The following NCK1 variants were observed in gnomAD, a reference collection of about 807,000 sequenced individuals.
The protein encoded by NCK1 is NCK adaptor protein 1, also known as SH2/SH3 adapter protein NCK1.
In NCK1, 19 loss-of-function variants were observed where a neutral mutation model predicts 36.6. The ratio of observed to expected loss-of-function variants is 0.52; its 90% CI spans 0.36 to 0.76. NCK1 has a LOEUF of 0.76. NCK1 is among the 30% of genes least tolerant of loss of function. The probability of loss-of-function intolerance (pLI) is 0.00; values close to 1 mark genes in which losing one functional copy is unlikely to be tolerated. For synonymous variants in NCK1, 165 were observed against 156.0 expected, an observed-to-expected ratio of 1.06 and a Z score of -0.43; for missense variants, 358 against 445.6, an observed-to-expected ratio of 0.80 and a Z score of 1.77.
chr3:136,865,879 T>G (rs770985698), intron 1 of NCK1, among the ~76,000 whole-genome samples: 7 of 152,252 alleles, frequency 4.6e-5, no homozygotes, highest in Non-Finnish European at 7.3e-5. Context: ...TTTGGTGACA[T>G]TACCATGCTT....
chr3:136,867,108 CTTTCTTTCTTTGTTTCT>C (rs1560028482), intron 1 of NCK1, among the ~76,000 whole-genome samples: 379 of 30,932 alleles, frequency 0.012, 34 homozygotes, highest in East Asian at 0.018. Context: ...TTCTTTCTTT[CTTTCTTTCTTTGTTTCT>C]TTCTTTCCTT....
In NCK1 at chr3:136,948,887, A is replaced by T. The variant is rs1055625497; in HGVS notation, c.*434A>T. On this transcript the variant is annotated 3_prime_UTR_variant, in exon 4 of 4. Transcript: ENST00000481752. ...TGACATATGCTAAAATTTCTTGGAG[A>T]GTGTTAATCTTTTCTGTGACTAAAT... is the stretch of plus-strand genomic sequence containing the variant. 1 of 152,284 alleles carries T rather than the reference A, an allele frequency of 6.6e-6. No individual in the cohort carries two copies. Among genetic ancestry groups the T allele is most frequent in the East Asian group, 1.9e-4 (1 of 5,194 alleles). The allele number at this position is 152,284 out of a possible 1,614,324, so 9.4% of individuals were successfully genotyped here.
chr3:136,911,463 TTTAAA>T (rs1939825938), intron 1 of NCK1, among the ~76,000 whole-genome samples: 2 of 152,246 alleles, frequency 1.3e-5, no homozygotes, highest in African/African-American at 4.8e-5. Flanking sequence ...ATCTTAGTGT[TTTAAA>T]TTGCATTTCC....
chr3:136,917,293 ATTC>A (rs377340434), intron 1 of NCK1, among the ~76,000 whole-genome samples: 9 of 151,018 alleles, frequency 6.0e-5, no homozygotes, highest in South Asian at 2.1e-4. Flanking sequence ...GCCTGAGACA[ATTC>A]TTCTTCCAGT....
chr3:136,877,345 A>G (rs1018141316), intron 1 of NCK1, among the ~76,000 whole-genome samples: 4 of 152,180 alleles, frequency 2.6e-5, no homozygotes, highest in African/African-American at 9.6e-5. Context: ...AAAACTAGAA[A>G]ATTGTCAGCT....
chr3:136,943,135 T>G (rs1428119558), intron 2 of NCK1, among the ~76,000 whole-genome samples: 1 of 152,164 alleles, frequency 6.6e-6, no homozygotes, highest in East Asian at 1.9e-4. Context: ...CCCTAGATTT[T>G]ATAAGTTTTT....
At chr3:136,895,936 T>C (rs1939380873) in intron 1 of NCK1, among the ~76,000 whole-genome samples, 1 of 152,252 alleles carries the variant, frequency 6.6e-6, no homozygotes, top group African/African-American at 2.4e-5. Flanking sequence ...TTATGATATA[T>C]CTGGATTTTT....
intron 1 of NCK1, among the ~76,000 whole-genome samples, chr3:136,873,014 C>A (rs765827503): frequency 3.3e-5 from 5 of 152,192 alleles, no homozygotes; most frequent in Non-Finnish European, 7.3e-5. Flanking sequence ...AATGTGGGGT[C>A]AGAGCCCCCA....
chr3:136,922,402 T>TG (rs1383764782), intron 1 of NCK1, among the ~76,000 whole-genome samples: 1 of 152,184 alleles, frequency 6.6e-6, no homozygotes, highest in Admixed American at 6.5e-5. Flanking sequence ...CTGCTCTAAA[T>TG]GGGGGTTCAG....
intron 1 of NCK1, among the ~76,000 whole-genome samples, chr3:136,913,755 G>A (rs989332454): frequency 8.5e-5 from 13 of 152,126 alleles, no homozygotes; most frequent in Admixed American, 3.9e-4. Flanking sequence ...TGCAAGCTCC[G>A]CCTCCCGGGT....
chr3:136,867,705 A>G (rs569319811), intron 1 of NCK1, among the ~76,000 whole-genome samples: 1 of 152,280 alleles, frequency 6.6e-6, no homozygotes, highest in South Asian at 2.1e-4. Context: ...CAAATAGACT[A>G]GATGCACCAA....
At chr3:136,873,125 C>T (rs558611471) in intron 1 of NCK1, among the ~76,000 whole-genome samples, 5 of 152,228 alleles carry the variant, frequency 3.3e-5, no homozygotes, top group South Asian at 2.1e-4. Context: ...TTGCACCATG[C>T]GCCTGGAAAA....
chr3:136,881,341 T>G (rs1255585764), intron 1 of NCK1, among the ~76,000 whole-genome samples: 2 of 152,164 alleles, frequency 1.3e-5, no homozygotes, highest in African/African-American at 4.8e-5. Context: ...TTCCTCAGCC[T>G]CCTTAGTAGC....
At chr3:136,864,416 G>C (rs568850171) in intron 1 of NCK1, among the ~76,000 whole-genome samples, 1 of 151,998 alleles carries the variant, frequency 6.6e-6, no homozygotes, top group East Asian at 1.9e-4. Context: ...GCATGAACCC[G>C]GGAGTCGGAG....
intron 1 of NCK1, among the ~76,000 whole-genome samples, chr3:136,865,207 C>T (rs936141260): frequency 5.3e-5 from 8 of 152,146 alleles, no homozygotes; most frequent in South Asian, 2.1e-4. Context: ...CCACCTGCCT[C>T]GGCCTCCCAA....
intron 2 of NCK1, among the ~76,000 whole-genome samples, chr3:136,929,753 G>C (rs1421947403): frequency 6.6e-6 from 1 of 152,130 alleles, no homozygotes; most frequent in Non-Finnish European, 1.5e-5. Flanking sequence ...GGTATCTTGG[G>C]ATTAGAGTGA....
In NCK1 at chr3:136,927,971, C is replaced by A; in HGVS notation, c.-18-13C>A. ...CTCAACCTTACATAAAAATATTTTC[C>A]ATGTGTTTACAGTGCTGAAGCTGCT... On this transcript the variant is annotated splice_polypyrimidine_tract_variant and intron_variant, in intron 1 of 3. Transcript: ENST00000481752. The A allele has an allele frequency of 6.6e-7, 1 of 1,519,826 alleles. No homozygotes were observed. The highest frequency in any genetic ancestry group is 9.1e-7 in the Non-Finnish European group (1 of 1,100,488). 94.1% of individuals were successfully genotyped at this position (1,519,826 alleles called of 1,614,324 possible).
At position 136,865,606 on chromosome 3, in the gene NCK1, T is replaced by C. The variant is rs748738721; in HGVS notation, c.-19+3253T>C. Among the ~76,000 whole-genome samples the C allele has an allele frequency of 6.6e-5, 10 of 152,180 alleles. No individual in the cohort carries two copies. The East Asian group carries it at 1.3e-3, about 20-fold the overall frequency. ...ATTTTTAGAATTTACCTTTATAATA[T>C]AGAAAAATACCAAATGTTCTTTATC... On this transcript the variant is annotated intron_variant, in intron 1 of 3. Coordinates refer to ENST00000481752, the MANE Select transcript of NCK1 (RefSeq NM_001291999.2).
intron 1 of NCK1, among the ~76,000 whole-genome samples, chr3:136,927,782 G>A (rs1174455382): frequency 6.6e-6 from 1 of 152,224 alleles, no homozygotes; most frequent in Non-Finnish European, 1.5e-5. Context: ...GCCTCCCAAA[G>A]TGCTGGGATT....
Sources: allele counts gnomAD v4.1 joint callset (sites outside exome capture counted in the v4.1 genomes callset), GRCh38; gene constraint gnomAD v4.1.1; transcripts MANE v1.5; gene names NCBI Gene and HGNC (gene_info 2026-07-23, HGNC 2026-07-21).